IL1RAP: variants seen among roughly 807,000 people sequenced by gnomAD.
IL1RAP encodes the protein interleukin-1 receptor accessory protein.
IL1RAP carries 35 observed loss-of-function variants against 60.7 expected under a neutral mutation model. The observed-to-expected ratio is 0.58, with a 90% CI of 0.44 to 0.76. The LOEUF is 0.76. Ranked by LOEUF, IL1RAP falls within the 30% of genes least tolerant of loss-of-function variation. IL1RAP has a pLI of 0.00. For missense variants in IL1RAP, 572 were observed against 693.9 expected, an observed-to-expected ratio of 0.82 and a Z score of 1.97; for synonymous variants, 268 against 250.9, an observed-to-expected ratio of 1.07 and a Z score of -0.64.
intron 3 of IL1RAP, among the ~76,000 whole-genome samples, chr3:190,572,892 C>T (rs1257360614): frequency 8.4e-5 from 2 of 23,800 alleles, no homozygotes; most frequent in South Asian, 1.5e-3. Context: ...GAGACGGAGT[C>T]TCGCTCTGTC....
intron 3 of IL1RAP, among the ~76,000 whole-genome samples, chr3:190,566,007 C>T (rs1726357990): frequency 1.3e-5 from 2 of 151,944 alleles, no homozygotes; most frequent in South Asian, 4.2e-4. Flanking sequence ...TCCTCCTTTT[C>T]CTTCCTTTTT....
At chr3:190,644,145 G>C in intron 9 of IL1RAP, 103 bp from the exon 10 acceptor site, 1 of 1,482,632 alleles carries the variant, frequency 6.7e-7, no homozygotes, top group Non-Finnish European at 9.0e-7. Context: ...ACATAGGCAG[G>C]TGCATAGCTA....
chr3:190,653,735 C>T (rs1734504767), downstream of IL1RAP, among the ~76,000 whole-genome samples: 1 of 152,126 alleles, frequency 6.6e-6, no homozygotes, highest in African/African-American at 2.4e-5. Flanking sequence ...TATGGCCATA[C>T]CTCATTTTTT....
intron 9 of IL1RAP, among the ~76,000 whole-genome samples, chr3:190,638,218 A>T (rs1465819327): frequency 6.6e-6 from 1 of 151,970 alleles, no homozygotes; most frequent in African/African-American, 2.4e-5. Flanking sequence ...TTTTTTCCCC[A>T]AGTGGCTGTA....
chr3:190,596,946 C>T (rs962659660), intron 3 of IL1RAP, among the ~76,000 whole-genome samples: 1 of 152,068 alleles, frequency 6.6e-6, no homozygotes, highest in African/African-American at 2.4e-5. Flanking sequence ...AGGTGGCTGT[C>T]TAGAGAACTT....
At chr3:190,653,364 A>G (rs904074643), downstream of IL1RAP, among the ~76,000 whole-genome samples, 1 of 152,226 alleles carries the variant, frequency 6.6e-6, no homozygotes, top group Non-Finnish European at 1.5e-5. Flanking sequence ...TTACTTTATC[A>G]TATGCATTTT....
intron 11 of IL1RAP, among the ~76,000 whole-genome samples, chr3:190,646,885 C>T (rs1447134066): frequency 6.6e-6 from 1 of 152,066 alleles, no homozygotes; most frequent in East Asian, 1.9e-4. Flanking sequence ...ATAATTTTTC[C>T]AGGAAGTTAT....
intron 9 of IL1RAP, among the ~76,000 whole-genome samples, chr3:190,637,506 C>A (rs996430897): frequency 1.3e-5 from 2 of 152,082 alleles, no homozygotes; most frequent in African/African-American, 2.4e-5. Flanking sequence ...GTATATCAAT[C>A]CATCTTATTT....
intron 6 of IL1RAP, among the ~76,000 whole-genome samples, chr3:190,622,219 G>T (rs1364017679): frequency 1.3e-5 from 2 of 152,200 alleles, no homozygotes; most frequent in African/African-American, 2.4e-5. Context: ...GGAAAGCTTT[G>T]CTAAGCAATC....
At chr3:190,657,224 A>G (rs1734646921) in exon 12 of IL1RAP, 1 of 152,200 alleles carries the variant, frequency 6.6e-6, no homozygotes, top group Non-Finnish European at 1.5e-5. Context: ...AAATTTTTAC[A>G]TCTCTCTCAC....
At chr3:190,554,852 G>A (rs1377792615) in intron 1 of IL1RAP, among the ~76,000 whole-genome samples, 4 of 152,030 alleles carry the variant, frequency 2.6e-5, no homozygotes, top group Non-Finnish European at 2.9e-5. Context: ...TTCTATTAAA[G>A]TGTATAAAGT....
chr3:190,644,975 G>T (rs1385889401), intron 10 of IL1RAP, among the ~76,000 whole-genome samples: 1 of 152,152 alleles, frequency 6.6e-6, no homozygotes, highest in African/African-American at 2.4e-5. Context: ...AACATATCAC[G>T]TGTAGCTTAT....
chr3:190,654,713 C>T (rs1032140495), downstream of IL1RAP, among the ~76,000 whole-genome samples: 4 of 152,214 alleles, frequency 2.6e-5, no homozygotes, highest in East Asian at 1.9e-4. Context: ...AAACTCTCTC[C>T]GTTACTGTTT....
chr3:190,526,691 C>G (rs1285453703), intron 1 of IL1RAP, among the ~76,000 whole-genome samples: 1 of 152,166 alleles, frequency 6.6e-6, no homozygotes, highest in African/African-American at 2.4e-5. Flanking sequence ...TAGCACAGTT[C>G]CTGGAACATA....
intron 3 of IL1RAP, among the ~76,000 whole-genome samples, chr3:190,565,165 TG>T (rs1726272560): frequency 1.3e-5 from 2 of 149,716 alleles, no homozygotes; most frequent in African/African-American, 2.5e-5. Context: ...ACTGTAGGAC[TG>T]AAAAAAAAAA....
intron 3 of IL1RAP, among the ~76,000 whole-genome samples, chr3:190,602,501 G>A (rs1286718482): frequency 6.6e-6 from 1 of 151,864 alleles, no homozygotes; most frequent in Non-Finnish European, 1.5e-5. Flanking sequence ...GAAAAATAAA[G>A]CATAAACTAT....
At chr3:190,658,062 A>AG (rs1734673704) in exon 12 of IL1RAP, 1 of 152,046 alleles carries the variant, frequency 6.6e-6, no homozygotes, top group Admixed American at 6.6e-5. Flanking sequence ...CTTAAAAAAA[A>AG]AAAAAAAAAT....
At position 190,650,692 on chromosome 3, in the gene IL1RAP, T is replaced by C. The variant is rs1734341786; in HGVS notation, c.*1987T>C. On this transcript the variant is annotated 3_prime_UTR_variant, in exon 12 of 12. Coordinates refer to ENST00000447382, the MANE Select transcript of IL1RAP (RefSeq NM_002182.4). ...TGGATGAAAAAAGTAGAAAAGTAGG[T>C]CATTCTTGGATCTACTTTTTTTTAG... 1.0e-6 allele frequency: 1 copy of C among 967,332 alleles called. No individual in the cohort carries two copies. The highest frequency in any genetic ancestry group is 1.8e-5 in the African/African-American group (1 of 56,832). 59.9% of individuals were successfully genotyped at this position (967,332 alleles called of 1,614,324 possible). A position where few individuals can be genotyped will look rare whatever the true frequency, so the allele number is the denominator to read the frequency against.
At chr3:190,531,369 T>G (rs970562500) in intron 1 of IL1RAP, among the ~76,000 whole-genome samples, 4 of 152,228 alleles carry the variant, frequency 2.6e-5, no homozygotes, top group African/African-American at 9.6e-5. Flanking sequence ...CAATTTCAGC[T>G]GTTCTGTTTC....
Sources: gnomAD v4.1 joint callset for allele counts (sites outside exome capture counted in the v4.1 genomes callset) on GRCh38, gnomAD v4.1.1 for gene constraint, MANE v1.5 for transcripts, NCBI Gene and HGNC (gene_info 2026-07-23, HGNC 2026-07-21) for gene names.